Variants in BPIFB2 observed in about 807,000 individuals in gnomAD.
BPIFB2 encodes BPI fold-containing family B member 2.
Under a neutral mutation model 50.1 loss-of-function variants are expected in BPIFB2, and 39 were observed. That is an observed-to-expected ratio of 0.78 (90% confidence interval 0.60 to 1.02). The LOEUF (loss-of-function observed/expected upper bound fraction) is 1.02. Among genes scored for constraint, BPIFB2 ranks in the 50% least tolerant of loss-of-function variants. The pLI is 0.00. For synonymous variants in BPIFB2, 280 were observed against 256.3 expected (o/e 1.09, Z -0.88); for missense variants, 574 against 585.8 (o/e 0.98, Z 0.21).
At chr20:33,013,185 C>T (rs2024935) in intron 4 of BPIFB2, among the ~76,000 whole-genome samples, 2,075 of 152,296 alleles carry the variant, frequency 0.014, 85 homozygotes, top group Admixed American at 0.079. Flanking sequence ...CTGTAAAGTG[C>T]CAATGACGGT....
intron 7 of BPIFB2, among the ~76,000 whole-genome samples, 167 bp downstream of exon 7, chr20:33,017,269 G>A (rs1978470577): frequency 6.6e-6 from 1 of 152,088 alleles, no homozygotes; most frequent in Non-Finnish European, 1.5e-5. Flanking sequence ...ATGAAATCTG[G>A]GAATCTCCAA....
intron 5 of BPIFB2, 82 bp from the exon 6 acceptor site, chr20:33,015,354 C>A: frequency 7.6e-7 from 1 of 1,320,416 alleles, no homozygotes; most frequent in Non-Finnish European, 1.1e-6. Context: ...AGAGACTTCT[C>A]TTCCCAGACG....
rs1016531010 is a variant in BPIFB2, at chr20:33,009,276, C to T, written c.109+593C>T. Among the ~76,000 whole-genome samples, 4 of 152,212 alleles carry T rather than the reference C, an allele frequency of 2.6e-5. No homozygotes were observed. The highest frequency in any genetic ancestry group is 4.4e-5 in the Non-Finnish European group (3 of 68,038). On this transcript the variant is annotated intron_variant, in intron 2 of 15. Transcript: ENST00000170150. The surrounding 1 kb of genome is among the most constrained non-coding windows in gnomAD (Gnocchi z 4.2). ...GCGAGGGCTCTGTCTTACGGCTGTG[C>T]TGCTAGATCCTTCCAAGTCTTGCCC...
chr20:33,017,022 TTC>T lies in BPIFB2; in HGVS notation c.517-14_517-13del. The T allele has an allele frequency of 6.2e-7, 1 of 1,613,280 alleles. No homozygotes were observed. The highest frequency in any genetic ancestry group is 8.5e-7 in the Non-Finnish European group (1 of 1,179,312). ...CAGGGCTGCCCTAACCCCAGCCTCC[TTC>T]TCTCTGTCTTACCACAGCTGTGCCT... On this transcript the variant is annotated intron_variant, in intron 6 of 15. Transcript: ENST00000170150.
rs370004996 is a variant in BPIFB2 at position 33,021,675 on chromosome 20, G to C, written c.1259-48G>C. 29 of 1,577,808 alleles carry C rather than the reference G, an allele frequency of 1.8e-5. No individual in the cohort carries two copies. The African/African-American group carries it at 2.8e-4, about 15-fold the overall frequency. ...TGCTGTGATGCACATGAGGGCTTCA[G>C]CACAGGCTGGCTCCAGGGGACGATC... On this transcript the variant is annotated intron_variant, in intron 14 of 15. Coordinates refer to ENST00000170150, the MANE Select transcript of BPIFB2 (RefSeq NM_025227.3).
At chr20:33,019,242 C>T (rs950096272) in intron 10 of BPIFB2, 127 bp downstream of exon 10, 127 of 1,171,388 alleles carry the variant, frequency 1.1e-4, no homozygotes, top group Non-Finnish European at 1.5e-4. Context: ...CTTAAACCTA[C>T]TCCTCCATCT....
At chr20:33,010,588 G>T (rs906087434) in intron 2 of BPIFB2, among the ~76,000 whole-genome samples, 2 of 152,140 alleles carry the variant, frequency 1.3e-5, no homozygotes, top group African/African-American at 4.8e-5. Flanking sequence ...GCCCCCAGGT[G>T]AGGCTGTCCC....
intron 10 of BPIFB2, among the ~76,000 whole-genome samples, 175 bp from the exon 11 acceptor site, chr20:33,019,405 C>G (rs1978567992): frequency 6.6e-6 from 1 of 152,140 alleles, no homozygotes; most frequent in Admixed American, 6.5e-5. Flanking sequence ...AGATCCAACC[C>G]CCTCGTCTTG....
At chr20:33,018,540 C>G in intron 8 of BPIFB2, 97 bp from the exon 9 acceptor site, 1 of 1,405,822 alleles carries the variant, frequency 7.1e-7, no homozygotes. Flanking sequence ...GGCTGGGGGG[C>G]AGGGAGTGGC....
intron 9 of BPIFB2, 114 bp from the exon 10 acceptor site, chr20:33,018,948 T>C (rs1978546220): frequency 6.3e-7 from 1 of 1,575,450 alleles, no homozygotes; most frequent in African/African-American, 1.3e-5. Flanking sequence ...ACAGGGTGGC[T>C]GTTGGAAGGG....
At position 33,012,941 on chromosome 20, in the gene BPIFB2, G is replaced by A. The variant is rs574105155; in HGVS notation, c.308+34G>A. On this transcript the variant is annotated intron_variant, in intron 4 of 15. Coordinates refer to ENST00000170150, the MANE Select transcript of BPIFB2 (RefSeq NM_025227.3). ...ATCTCCTTGTTAGGGGGTGAGAAGGGTTTTGGGGATGCTCCGAGGGATACA... is the reference window on the plus strand; with the variant it reads ...ATCTCCTTGTTAGGGGGTGAGAAGGATTTTGGGGATGCTCCGAGGGATACA... 1.0e-4 allele frequency: 156 copies of A among 1,558,828 alleles called. 1 individual carries two copies. The South Asian group carries it at 1.7e-3, about 17-fold the overall frequency.
chr20:33,016,071 G>A (rs375847609), intron 6 of BPIFB2, among the ~76,000 whole-genome samples: 1 of 152,232 alleles, frequency 6.6e-6, no homozygotes, highest in African/African-American at 2.4e-5. Context: ...GACTTGGTGA[G>A]AGAGGGTAGC....
At chr20:33,017,182 C>G (rs1978464225) in intron 7 of BPIFB2, 80 bp downstream of exon 7, 6 of 1,369,846 alleles carry the variant, frequency 4.4e-6, no homozygotes, top group African/African-American at 2.9e-5. Context: ...AGGCTCCACT[C>G]TGGATCACGG....
At chr20:33,016,302 G>A (rs754469475) in intron 6 of BPIFB2, among the ~76,000 whole-genome samples, 1 of 152,094 alleles carries the variant, frequency 6.6e-6, no homozygotes, top group Non-Finnish European at 1.5e-5. Flanking sequence ...AGAGTCCTGC[G>A]GGATGCCCAA....
At chr20:33,015,562 G>C (rs1978388097) in intron 6 of BPIFB2, 66 bp downstream of exon 6, 2 of 1,392,088 alleles carry the variant, frequency 1.4e-6, no homozygotes, top group Non-Finnish European at 2.0e-6. Context: ...AGTGAAGAAA[G>C]AGTGGGATTT....
rs751241817 is a variant in BPIFB2 at position 33,020,360 on chromosome 20, C to T, written c.1113C>T (p.Ser371=). ...VVNLRLQLSV[S]KVKLQGTTSV... ...ACTTGAGACTCCAGCTCTCTGTGTC[C>T]AAGGTGAAGCTTCAGGGGACCACGT... Residue 371 remains serine, a synonymous_variant, in exon 12 of 16, where the codon TCC becomes TCT. Coordinates refer to ENST00000170150, the MANE Select transcript of BPIFB2 (RefSeq NM_025227.3). 2 of 1,614,114 alleles carry T rather than the reference C, an allele frequency of 1.2e-6. No homozygotes were observed. Among genetic ancestry groups the T allele is most frequent in the Middle Eastern group, 3.3e-4 (2 of 6,062 alleles).
chr20:33,017,537 A>C (rs1371704120), intron 7 of BPIFB2, among the ~76,000 whole-genome samples: 8 of 152,158 alleles, frequency 5.3e-5, no homozygotes, highest in Admixed American at 5.2e-4. Context: ...CTTCCCTGCA[A>C]GAGTATTCTG....
intron 15 of BPIFB2, among the ~76,000 whole-genome samples, chr20:33,022,676 G>A (rs991697313): frequency 6.6e-6 from 1 of 152,198 alleles, no homozygotes; most frequent in African/African-American, 2.4e-5. Flanking sequence ...GGTACATGTG[G>A]CTACTGAGCA....
intron 7 of BPIFB2, 58 bp downstream of exon 7, chr20:33,017,160 A>C: frequency 6.5e-7 from 1 of 1,534,066 alleles, no homozygotes; most frequent in Non-Finnish European, 9.0e-7. Context: ...TGGAGCCCCT[A>C]GAACCCTCCA....
Sources: allele counts gnomAD v4.1 joint callset (sites outside exome capture counted in the v4.1 genomes callset), GRCh38; gene constraint gnomAD v4.1.1; non-coding constraint Gnocchi (gnomAD v3.1); transcripts MANE v1.5; gene names NCBI Gene and HGNC (gene_info 2026-07-23, HGNC 2026-07-21).